The following ARHGAP24 variants were observed in gnomAD, a reference collection of about 807,000 sequenced individuals.
ARHGAP24 encodes rho GTPase-activating protein 24.
In ARHGAP24, 50 loss-of-function variants were observed where a neutral mutation model predicts 76.4. That is an observed-to-expected ratio of 0.65 (90% CI 0.52 to 0.83). ARHGAP24 has a LOEUF of 0.83. ARHGAP24 is among the 40% of genes least tolerant of loss of function. ARHGAP24 has a pLI of 0.00. For synonymous variants in ARHGAP24, 345 were observed against 323.3 expected (o/e 1.07, Z -0.72); for missense variants, 930 against 914.2 (o/e 1.02, Z -0.22).
intron 3 of ARHGAP24, among the ~76,000 whole-genome samples, chr4:85,724,359 A>G (rs973601059): frequency 1.3e-5 from 2 of 152,102 alleles, no homozygotes; most frequent in Non-Finnish European, 2.9e-5. Flanking sequence ...TTCCAACAAA[A>G]CTAACAAAAG....
intron 2 of ARHGAP24, among the ~76,000 whole-genome samples, chr4:85,625,192 T>C (rs1560558343): frequency 6.6e-6 from 1 of 152,224 alleles, no homozygotes; most frequent in Non-Finnish European, 1.5e-5. Flanking sequence ...CTTTCCTGCT[T>C]TCTCTTGTGG....
chr4:85,918,026 A>T (rs1735519727), intron 3 of ARHGAP24, among the ~76,000 whole-genome samples: 1 of 152,128 alleles, frequency 6.6e-6, no homozygotes, highest in South Asian at 2.1e-4. Context: ...TCTTCCATTG[A>T]GGACACTCAA....
rs532111765 is a variant in ARHGAP24 at position 85,607,394 on chromosome 4, GAGAGAGAA to G, written c.180+36691_180+36698del. ...AGGGAGGAACGGAGGGAGGAAGGGA[GAGAGAGAA>G]AGAGAGAAAGAGAGAAAAAGAGAGA... On this transcript the variant is annotated intron_variant, in intron 2 of 9. Coordinates refer to ENST00000395184, the MANE Select transcript of ARHGAP24 (RefSeq NM_001025616.3). Among the ~76,000 whole-genome samples, 348 of 152,138 alleles carry G rather than the reference GAGAGAGAA, an allele frequency of 2.3e-3. 1 individual carries two copies. Among genetic ancestry groups the G allele is most frequent in the Middle Eastern group, 6.8e-3 (2 of 292 alleles).
At chr4:85,847,271 T>C (rs1730946167) in intron 3 of ARHGAP24, among the ~76,000 whole-genome samples, 1 of 152,200 alleles carries the variant, frequency 6.6e-6, no homozygotes, top group African/African-American at 2.4e-5. Context: ...ATTTAACAAA[T>C]ATTTGTTGAT....
intron 1 of ARHGAP24, among the ~76,000 whole-genome samples, chr4:85,504,358 C>T (rs1723946408): frequency 6.6e-6 from 1 of 152,160 alleles, no homozygotes; most frequent in South Asian, 2.1e-4. Context: ...GTCTAAGTCT[C>T]TTTGTAGGTC....
At chr4:85,817,700 C>CT (rs1729301956) in intron 3 of ARHGAP24, among the ~76,000 whole-genome samples, 1 of 152,176 alleles carries the variant, frequency 6.6e-6, no homozygotes, top group Non-Finnish European at 1.5e-5. Flanking sequence ...GTAATCCTTT[C>CT]TATGTAGACT....
At chr4:85,688,902 TCTGTGTG>T (rs1560586691) in intron 2 of ARHGAP24, among the ~76,000 whole-genome samples, 1 of 152,196 alleles carries the variant, frequency 6.6e-6, no homozygotes, top group African/African-American at 2.4e-5. Flanking sequence ...GTTCCATTGG[TCTGTGTG>T]TCTGTTTTTG....
At chr4:85,816,296 A>G (rs546342036) in intron 3 of ARHGAP24, among the ~76,000 whole-genome samples, 15 of 152,322 alleles carry the variant, frequency 9.8e-5, no homozygotes, top group Admixed American at 6.5e-4. Flanking sequence ...CCTTTGATCA[A>G]CATCTCACAA....
intron 3 of ARHGAP24, among the ~76,000 whole-genome samples, chr4:85,773,840 C>T (rs376625700): frequency 1.6e-4 from 25 of 152,176 alleles, no homozygotes; most frequent in African/African-American, 5.3e-4. Context: ...AACTTCATAA[C>T]CTAGCACAAG....
chr4:85,628,810 T>A (rs1721062801), intron 2 of ARHGAP24, among the ~76,000 whole-genome samples: 1 of 152,238 alleles, frequency 6.6e-6, no homozygotes, highest in Non-Finnish European at 1.5e-5. Context: ...TAGACACTTC[T>A]GCTCTCTGGT....
At chr4:85,740,802 C>T (rs1196532854) in intron 3 of ARHGAP24, among the ~76,000 whole-genome samples, 1 of 152,302 alleles carries the variant, frequency 6.6e-6, no homozygotes, top group East Asian at 1.9e-4. Context: ...CAATCATCCT[C>T]ACTTCAGAGA....
chr4:85,889,755 T>C (rs1733779234), intron 3 of ARHGAP24, among the ~76,000 whole-genome samples: 1 of 152,206 alleles, frequency 6.6e-6, no homozygotes, highest in Non-Finnish European at 1.5e-5. Flanking sequence ...GCCTCTTCTA[T>C]AAATAATGCC....
At chr4:85,511,693 G>A (rs1724289155) in intron 1 of ARHGAP24, among the ~76,000 whole-genome samples, 1 of 152,056 alleles carries the variant, frequency 6.6e-6, no homozygotes, top group Non-Finnish European at 1.5e-5. Flanking sequence ...TCAGTCTCCC[G>A]ACCTCAGGTG....
intron 2 of ARHGAP24, among the ~76,000 whole-genome samples, chr4:85,585,485 G>A (rs1359338490): frequency 1.3e-5 from 2 of 152,080 alleles, no homozygotes; most frequent in Non-Finnish European, 2.9e-5. Context: ...GAAACCTGGG[G>A]GAATCTGTGG....
At chr4:85,813,824 A>T (rs934431622) in intron 3 of ARHGAP24, among the ~76,000 whole-genome samples, 2 of 140,534 alleles carry the variant, frequency 1.4e-5, no homozygotes, top group South Asian at 4.3e-4. Flanking sequence ...TATTTTATAT[A>T]TATATATATA....
At chr4:85,974,796 A>T in intron 6 of ARHGAP24, 92 bp from the exon 7 acceptor site, 1 of 1,231,388 alleles carries the variant, frequency 8.1e-7, no homozygotes, top group South Asian at 1.3e-5. Flanking sequence ...TGTGAAACTA[A>T]TTTTTTAAAA....
intron 8 of ARHGAP24, among the ~76,000 whole-genome samples, chr4:85,981,199 A>G (rs1162165172): frequency 2.0e-5 from 3 of 152,200 alleles, no homozygotes; most frequent in African/African-American, 7.2e-5. Flanking sequence ...TTTATTTGAA[A>G]GGACAACTGA....
At chr4:85,763,718 G>A (rs1726822569) in intron 3 of ARHGAP24, among the ~76,000 whole-genome samples, 1 of 151,554 alleles carries the variant, frequency 6.6e-6, no homozygotes, top group Non-Finnish European at 1.5e-5. Flanking sequence ...TCTTTATTTT[G>A]AAGAGTGAAC....
At chr4:85,980,229 T>G (rs1238400876) in intron 8 of ARHGAP24, among the ~76,000 whole-genome samples, 1 of 152,224 alleles carries the variant, frequency 6.6e-6, no homozygotes, top group Admixed American at 6.5e-5. Context: ...TAGATATAAA[T>G]GCACACTACA....
Sources: gnomAD v4.1 joint callset for allele counts (sites outside exome capture counted in the v4.1 genomes callset) on GRCh38, gnomAD v4.1.1 for gene constraint, MANE v1.5 for transcripts, NCBI Gene and HGNC (gene_info 2026-07-23, HGNC 2026-07-21) for gene names.